Variants in SLC26A4 observed in about 807,000 individuals in gnomAD.
SLC26A4 encodes the protein pendrin.
Under a neutral mutation model 90.4 loss-of-function variants are expected in SLC26A4, and 93 were observed. The ratio of observed to expected loss-of-function variants is 1.03; its 90% confidence interval spans 0.87 to 1.22. The LOEUF is 1.22. SLC26A4 is among the 50% of genes most tolerant of loss of function. The probability of loss-of-function intolerance (pLI) is 0.00; values close to 1 mark genes in which losing one functional copy is unlikely to be tolerated. For synonymous variants in SLC26A4, 393 were observed against 354.6 expected (o/e 1.11, Z -1.22); for missense variants, 1,127 against 946.2 (o/e 1.19, Z -2.51).
chr7:107,699,770 A>G lies in SLC26A4; in HGVS notation c.1615-313A>G, dbSNP rs139523194. 1.4e-3 allele frequency among the ~76,000 whole-genome samples: 207 copies of G among 152,134 alleles called. 1 individual carries two copies. Among genetic ancestry groups the G allele is most frequent in the Middle Eastern group, 0.01 (3 of 294 alleles). ...GTGGCAAAACTCTGTCTCTACTAAA[A>G]ATGGAAAAATTAGCTGGGTGTGGTG... On this transcript the variant is annotated intron_variant, in intron 14 of 20. Coordinates refer to ENST00000644269, the MANE Select transcript of SLC26A4 (RefSeq NM_000441.2).
intron 3 of SLC26A4, among the ~76,000 whole-genome samples, chr7:107,666,414 GT>G (rs1003021934): frequency 3.3e-4 from 50 of 152,082 alleles, no homozygotes; most frequent in Non-Finnish European, 6.6e-4. Context: ...TAGAGACAAG[GT>G]TTCACCATGT....
chr7:107,694,416 T>C lies in SLC26A4; in HGVS notation c.1277T>C (p.Ile426Thr), dbSNP rs375540945. ...TGGKTQVAGI[I>T]SAAIVMIAIL... is the part of the protein sequence containing the mutation. ...TGTGTCTTCCAGGTTGCTGGCATCA[T>C]CTCTGCTGCGATTGTGATGATCGCC... is the stretch of plus-strand genomic sequence containing the variant. Residue 426 changes from isoleucine to threonine, a missense_variant, in exon 11 of 21, where the codon ATC (isoleucine) becomes ACC (threonine). Ile to Thr is a moderately conservative substitution (Grantham distance 89). Transcript: ENST00000644269. 4 of 1,613,426 alleles carry C rather than the reference T, an allele frequency of 2.5e-6. No homozygotes were observed. In the African/African-American group the frequency reaches 5.3e-5, roughly 22 times the overall value.
rs1284633493 is a variant in SLC26A4, at chr7:107,694,478, A to G, written c.1339A>G (p.Lys447Glu). 4.3e-6 allele frequency: 7 copies of G among 1,610,460 alleles called. No individual in the cohort carries two copies. Among genetic ancestry groups the G allele is most frequent in the Non-Finnish European group, 5.9e-6 (7 of 1,176,844 alleles). ...ALGKLLEPLQ[K>E]SVLAAVVIAN... ...GGGGAAGCTTCTGGAACCCTTGCAGAAGGTATAACCCTGCTTCTCTGCATA... is the reference window on the plus strand; with the variant it reads ...GGGGAAGCTTCTGGAACCCTTGCAGGAGGTATAACCCTGCTTCTCTGCATA... Residue 447 changes from lysine (K) to glutamate (E), a missense_variant and splice_region_variant, in exon 11 of 21, where the codon AAG (lysine) becomes GAG (glutamate). By Grantham distance (56) the Lys-to-Glu change is moderately conservative. Transcript: ENST00000644269.
intron 16 of SLC26A4, 42 bp from the exon 17 acceptor site, chr7:107,701,785 C>G: frequency 7.8e-7 from 1 of 1,278,686 alleles, no homozygotes; most frequent in Non-Finnish European, 1.1e-6. Flanking sequence ...TGAAAGATTT[C>G]AAATCTTTGA....
At position 107,717,202 on chromosome 7, in the gene SLC26A4, A is replaced by C. The variant is rs1246370575; in HGVS notation, c.*1756A>C. 2 of 152,078 alleles carry C rather than the reference A, an allele frequency of 1.3e-5. No homozygotes were observed. The highest frequency in any genetic ancestry group is 4.8e-5 in the African/African-American group (2 of 41,372). 9.4% of individuals were successfully genotyped at this position (152,078 alleles called of 1,614,324 possible). On this transcript the variant is annotated 3_prime_UTR_variant, in exon 21 of 21. Coordinates refer to ENST00000644269, the MANE Select transcript of SLC26A4 (RefSeq NM_000441.2). ...AAAACCCCGTCTCTACTAAAAATAG[A>C]AAAAAAGAAATTAGCCTAGCGTGGT...
At chr7:107,706,681 T>C (rs967721518) in intron 18 of SLC26A4, among the ~76,000 whole-genome samples, 1 of 152,216 alleles carries the variant, frequency 6.6e-6, no homozygotes, top group African/African-American at 2.4e-5. Flanking sequence ...TTTTCAAATA[T>C]GATATTCTAT....
intron 10 of SLC26A4, among the ~76,000 whole-genome samples, chr7:107,690,666 T>A (rs141887879): frequency 3.1e-4 from 47 of 152,300 alleles, no homozygotes; most frequent in Non-Finnish European, 5.4e-4. Context: ...GATCAGGAAC[T>A]TCCTCCAGGG....
intron 18 of SLC26A4, among the ~76,000 whole-genome samples, chr7:107,708,692 A>T (rs1792098098): frequency 6.7e-6 from 1 of 149,106 alleles, no homozygotes; most frequent in African/African-American, 2.5e-5. Flanking sequence ...CGTCTCTATT[A>T]TTTTTTTTTT....
At chr7:107,679,659 G>A (rs1584312631) in intron 6 of SLC26A4, among the ~76,000 whole-genome samples, 1 of 151,250 alleles carries the variant, frequency 6.6e-6, no homozygotes, top group Middle Eastern at 3.5e-3. Context: ...ATCATAATTT[G>A]AATTATTTGG....
rs1790546181 is a variant in SLC26A4 at position 107,661,441 on chromosome 7, C to G, written c.-3-198C>G. On this transcript the variant is annotated intron_variant, in intron 1 of 20. Coordinates refer to ENST00000644269, the MANE Select transcript of SLC26A4 (RefSeq NM_000441.2). The surrounding 1 kb of genome is among the most constrained non-coding windows in gnomAD (Gnocchi z 5.1). The stretch of plus-strand genomic sequence containing the variant: ...ACGAGACCCGAAGGTTCTCAGGTGC[C>G]CCCCTGCAGGCTGGCCGTGCGCGCC... 4.8e-6 allele frequency: 3 copies of G among 630,998 alleles called. No individual in the cohort carries two copies. The East Asian group carries it at 8.3e-5, about 17-fold the overall frequency. 39.1% of individuals were successfully genotyped at this position (630,998 alleles called of 1,614,324 possible).
chr7:107,675,408 G>A (rs1790998318), intron 6 of SLC26A4, among the ~76,000 whole-genome samples: 1 of 151,708 alleles, frequency 6.6e-6, no homozygotes, highest in Admixed American at 6.6e-5. Flanking sequence ...TTGGGAGGCT[G>A]AGGTGGGAAG....
rs1230937901 is a variant in SLC26A4 at position 107,661,517 on chromosome 7, G to C, written c.-3-122G>C. Reference sequence around the variant, plus strand: ...GGGCTGCAGGACGCGGACCAGACTCGCGGTGCAGGGGGGCCTGGCTGCAGC... The same window carrying C: ...GGGCTGCAGGACGCGGACCAGACTCCCGGTGCAGGGGGGCCTGGCTGCAGC... On this transcript the variant is annotated intron_variant, in intron 1 of 20. Transcript: ENST00000644269. The surrounding 1 kb of genome is among the most constrained non-coding windows in gnomAD (Gnocchi z 5.1). 1.8e-6 allele frequency: 2 copies of C among 1,124,506 alleles called. No homozygotes were observed. Among genetic ancestry groups the C allele is most frequent in the Non-Finnish European group, 2.6e-6 (2 of 779,414 alleles). The allele number at this position is 1,124,506 out of a possible 1,614,324, so 69.7% of individuals were successfully genotyped here.
intron 10 of SLC26A4, chr7:107,691,992 G>A (rs1204280530): frequency 1.0e-5 from 13 of 1,288,902 alleles, no homozygotes; most frequent in Non-Finnish European, 1.1e-5. Flanking sequence ...ATGGTCTTCA[G>A]CGGGTGCAGG....
At chr7:107,703,972 C>G (rs1374796954) in intron 17 of SLC26A4, among the ~76,000 whole-genome samples, 1 of 152,098 alleles carries the variant, frequency 6.6e-6, no homozygotes, top group Non-Finnish European at 1.5e-5. Context: ...ACTTTTAGGT[C>G]AATAGTAACA....
intron 17 of SLC26A4, among the ~76,000 whole-genome samples, chr7:107,702,684 C>A (rs991554194): frequency 0.017 from 1,676 of 98,410 alleles, no homozygotes; most frequent in Admixed American, 0.018. Flanking sequence ...GACTTCATCT[C>A]AAAAAAAAAA....
chr7:107,661,462 G>T lies in SLC26A4; in HGVS notation c.-3-177G>T, dbSNP rs1790547291. The T allele has an allele frequency of 2.9e-6, 2 of 701,572 alleles. No homozygotes were observed. The highest frequency in any genetic ancestry group is 2.7e-5 in the East Asian group (1 of 36,630). The allele number at this position is 701,572 out of a possible 1,614,324, so 43.5% of individuals were successfully genotyped here. Reference sequence around the variant, plus strand: ...GTGCCCCCCTGCAGGCTGGCCGTGCGCGCCGTGGGGCGCTTGTCGCGAGCG... The same window carrying T: ...GTGCCCCCCTGCAGGCTGGCCGTGCTCGCCGTGGGGCGCTTGTCGCGAGCG... On this transcript the variant is annotated intron_variant, in intron 1 of 20. Transcript: ENST00000644269. This position sits in a 1 kb window ranked among gnomAD's most constrained non-coding sequence, Gnocchi z 5.1.
At position 107,695,919 on chromosome 7, in the gene SLC26A4, A is replaced by AT. The variant is rs753586849; in HGVS notation, c.1438-7dup. The AT allele has an allele frequency of 6.5e-6, 9 of 1,378,244 alleles. No homozygotes were observed. Among genetic ancestry groups the AT allele is most frequent in the South Asian group, 1.2e-5 (1 of 86,250 alleles). 85.4% of individuals were successfully genotyped at this position (1,378,244 alleles called of 1,614,324 possible). A position where few individuals can be genotyped will look rare whatever the true frequency, so the allele number is the denominator to read the frequency against. On this transcript the variant is annotated splice_polypyrimidine_tract_variant and intron_variant, in intron 12 of 20. Transcript: ENST00000644269. The stretch of plus-strand genomic sequence containing the variant: ...CATTAATATAATTCTTTTCATTTCT[A>AT]TTTTTTTCCCTAGGTTATCTGGGTG...
At position 107,711,280 on chromosome 7, in the gene SLC26A4, G is replaced by A. The variant is rs1443522919; in HGVS notation, c.2235+1081G>A. On this transcript the variant is annotated intron_variant, in intron 19 of 20. Transcript: ENST00000644269. ...AGGTGATAAGAAAGTTGGATCATAT[G>A]AAGTATCCTTTAAGAGATCCACATT... 2.0e-5 allele frequency among the ~76,000 whole-genome samples: 3 copies of A among 151,958 alleles called. No homozygotes were observed. In the East Asian group the frequency reaches 5.8e-4, roughly 29 times the overall value.
At chr7:107,691,945 C>A in intron 10 of SLC26A4, 2 of 1,287,510 alleles carry the variant, frequency 1.6e-6, no homozygotes. Context: ...CTGCTGCTTT[C>A]ATTTGAGACG....
Sources: allele counts gnomAD v4.1 joint callset (sites outside exome capture counted in the v4.1 genomes callset), GRCh38; gene constraint gnomAD v4.1.1; non-coding constraint Gnocchi (gnomAD v3.1); transcripts MANE v1.5; gene names NCBI Gene and HGNC (gene_info 2026-07-23, HGNC 2026-07-21).